Variants in AFAP1L1 observed in about 807,000 individuals in gnomAD.
AFAP1L1 encodes the protein actin filament associated protein 1 like 1.
In AFAP1L1, 77 loss-of-function variants were observed where a neutral mutation model predicts 99.8. The observed-to-expected ratio is 0.77, with a 90% CI of 0.64 to 0.93. AFAP1L1 has a LOEUF of 0.93. Among genes scored for constraint, AFAP1L1 ranks in the 40% least tolerant of loss-of-function variants. The probability of loss-of-function intolerance (pLI) is 0.00; values close to 1 mark genes in which losing one functional copy is unlikely to be tolerated. For synonymous variants in AFAP1L1, 373 were observed against 395.3 expected (o/e 0.94, Z 0.67); for missense variants, 893 against 996.8 (o/e 0.90, Z 1.40).
intron 11 of AFAP1L1, 70 bp from the exon 12 acceptor site, chr5:149,317,659 T>G: frequency 6.5e-7 from 1 of 1,546,374 alleles, no homozygotes; most frequent in East Asian, 2.3e-5. Context: ...AGCAGACACA[T>G]GGAGCCGCCT....
At position 149,343,179 on chromosome 5, in the gene AFAP1L1, G is replaced by A. The variant is rs987318007; in HGVS notation, c.*3149G>A. Among the ~76,000 whole-genome samples the A allele has an allele frequency of 2.6e-5, 4 of 152,032 alleles. No individual in the cohort carries two copies. The highest frequency in any genetic ancestry group is 4.8e-5 in the African/African-American group (2 of 41,352). ...TCATGACACATTTGAGTTGGACCTC[G>A]GATTAGATAAAAAGATGAAAATACT... On this transcript the variant is annotated 3_prime_UTR_variant, in exon 19 of 19. Coordinates refer to ENST00000296721, the MANE Select transcript of AFAP1L1 (RefSeq NM_152406.4).
intron 5 of AFAP1L1, among the ~76,000 whole-genome samples, chr5:149,302,901 T>C (rs534606035): frequency 1.3e-5 from 2 of 152,288 alleles, no homozygotes; most frequent in African/African-American, 4.8e-5. Flanking sequence ...CTACTAAAAC[T>C]GCTAACCCAA....
intron 5 of AFAP1L1, 124 bp downstream of exon 5, chr5:149,302,650 T>G: frequency 1.2e-6 from 1 of 867,686 alleles, no homozygotes; most frequent in Non-Finnish European, 1.7e-6. Flanking sequence ...ATGTCACCAT[T>G]GGCTTAGGAG....
At position 149,319,675 on chromosome 5, in the gene AFAP1L1, G is replaced by T; in HGVS notation, c.1573G>T (p.Val525Leu). ...VTPEALHYDY[V>L]DVETLTSIVS... is the part of the protein sequence containing the mutation. Reference sequence around the variant, plus strand: ...TCCGGAGGCGCTGCACTATGACTACGTGGATGTGGAGACCTTAACCAGCAT... The same window carrying T: ...TCCGGAGGCGCTGCACTATGACTACTTGGATGTGGAGACCTTAACCAGCAT... The change falls in exon 13 of 19, where the codon GTG (valine) becomes TTG (leucine). Residue 525 changes from valine (V) to leucine (L), a missense_variant. Physicochemically the swap from Val to Leu is conservative, Grantham distance 32 (BLOSUM62 1). Transcript: ENST00000296721. 6.2e-7 allele frequency: 1 copy of T among 1,612,624 alleles called. No homozygotes were observed.
At chr5:149,277,876 A>G (rs1335699626) in intron 1 of AFAP1L1, among the ~76,000 whole-genome samples, 1 of 152,128 alleles carries the variant, frequency 6.6e-6, no homozygotes, top group Non-Finnish European at 1.5e-5. Context: ...CGTATGACTT[A>G]ACTCTGTTCC....
At chr5:149,326,688 T>A (rs1757107369) in intron 15 of AFAP1L1, among the ~76,000 whole-genome samples, 1 of 152,004 alleles carries the variant, frequency 6.6e-6, no homozygotes, top group Non-Finnish European at 1.5e-5. Context: ...TTTAATTGGA[T>A]CAGGCTGTGG....
At chr5:149,329,583 G>A in intron 15 of AFAP1L1, 83 bp from the exon 16 acceptor site, 1 of 1,354,210 alleles carries the variant, frequency 7.4e-7, no homozygotes, top group Non-Finnish European at 9.9e-7. Flanking sequence ...GAGAAGTTGG[G>A]GCTGAAAGAG....
intron 6 of AFAP1L1, 149 bp downstream of exon 6, chr5:149,306,553 G>C (rs1756420368): frequency 1.4e-6 from 1 of 693,212 alleles, no homozygotes; most frequent in Admixed American, 2.9e-5. Flanking sequence ...TGTTTTGGGT[G>C]ACCCCAGCAC....
At chr5:149,274,368 C>G (rs1000204907) in intron 1 of AFAP1L1, among the ~76,000 whole-genome samples, 3 of 152,082 alleles carry the variant, frequency 2.0e-5, no homozygotes, top group Admixed American at 2.0e-4. Context: ...CATTGCTGTA[C>G]AAGTAATCAG....
At chr5:149,333,081 T>C (rs2127604554) in intron 17 of AFAP1L1, among the ~76,000 whole-genome samples, 1 of 152,366 alleles carries the variant, frequency 6.6e-6, no homozygotes, top group East Asian at 1.9e-4. Context: ...TTCTGGCCTG[T>C]TCTTGTCTCC....
chr5:149,285,117 G>A (rs1009844832), intron 1 of AFAP1L1, among the ~76,000 whole-genome samples: 1 of 152,120 alleles, frequency 6.6e-6, no homozygotes, highest in Non-Finnish European at 1.5e-5. Flanking sequence ...ATTCAGGGGT[G>A]GATTCCTGTG....
rs1271823711 is a variant in AFAP1L1 at position 149,295,660 on chromosome 5, G to GA, written c.17-3848dup. ...GAAGGAGGGAAGGAAGGAAGGGAGG[G>GA]AGGAACAGATTTAAAAATCCCAAAA... is the stretch of plus-strand genomic sequence containing the variant. On this transcript the variant is annotated intron_variant, in intron 1 of 18. Coordinates refer to ENST00000296721, the MANE Select transcript of AFAP1L1 (RefSeq NM_152406.4). 6.0e-5 allele frequency among the ~76,000 whole-genome samples: 9 copies of GA among 149,136 alleles called. No homozygotes were observed. In the East Asian group the frequency reaches 1.9e-3, roughly 31 times the overall value.
intron 1 of AFAP1L1, among the ~76,000 whole-genome samples, chr5:149,274,166 C>G (rs1406019163): frequency 6.6e-6 from 1 of 152,104 alleles, no homozygotes; most frequent in Non-Finnish European, 1.5e-5. Flanking sequence ...GCCTCCCTAC[C>G]CAGAAGTAAG....
chr5:149,273,042 A>C (rs1029781021), intron 1 of AFAP1L1, among the ~76,000 whole-genome samples: 14 of 152,000 alleles, frequency 9.2e-5, no homozygotes, highest in Non-Finnish European at 7.4e-5. Context: ...GGCCTTTGGC[A>C]ATGGCCAGAT....
intron 1 of AFAP1L1, among the ~76,000 whole-genome samples, chr5:149,274,368 C>T (rs1000204907): frequency 2.0e-4 from 31 of 152,082 alleles, no homozygotes; most frequent in Admixed American, 2.0e-3. Flanking sequence ...CATTGCTGTA[C>T]AAGTAATCAG....
At chr5:149,296,741 G>A (rs1756030970) in intron 1 of AFAP1L1, among the ~76,000 whole-genome samples, 1 of 152,160 alleles carries the variant, frequency 6.6e-6, no homozygotes, top group Admixed American at 6.5e-5. Flanking sequence ...GTATTAGTCT[G>A]TTTTCATGCT....
At position 149,322,661 on chromosome 5, in the gene AFAP1L1, G is replaced by T. The variant is rs779403937; in HGVS notation, c.1754G>T (p.Cys585Phe). 4.4e-6 allele frequency: 7 copies of T among 1,595,252 alleles called. No homozygotes were observed. In the Admixed American group the frequency reaches 1.2e-4, roughly 28 times the overall value. The part of the protein sequence containing the change: ...GAQVKRHASS[C>F]SEKSHRVDPQ... ...CAGGTGAAGCGTCACGCCTCCTCCT[G>T]CAGTGAGAAGTCCCATCGTGTGGAC... The change falls in exon 15 of 19, where the codon TGC becomes TTC. Residue 585 changes from cysteine (C) to phenylalanine (F), a missense_variant. Cys to Phe is a radical substitution (Grantham distance 205). Transcript: ENST00000296721.
At chr5:149,335,349 C>A (rs754986452) in intron 17 of AFAP1L1, among the ~76,000 whole-genome samples, 133 of 152,122 alleles carry the variant, frequency 8.7e-4, no homozygotes, top group Non-Finnish European at 1.6e-3. Context: ...TTAGCCAGGC[C>A]TGGTGGTACA....
At chr5:149,317,463 C>A (rs896280395) in intron 11 of AFAP1L1, among the ~76,000 whole-genome samples, 1 of 152,108 alleles carries the variant, frequency 6.6e-6, no homozygotes, top group African/African-American at 2.4e-5. Context: ...TTTTATACAC[C>A]ATATGCAGTA....
Sources: gnomAD v4.1 joint callset for allele counts (sites outside exome capture counted in the v4.1 genomes callset) on GRCh38, gnomAD v4.1.1 for gene constraint, MANE v1.5 for transcripts, NCBI Gene and HGNC (gene_info 2026-07-23, HGNC 2026-07-21) for gene names.